Variants in UBAC2 observed in about 807,000 individuals in gnomAD.
UBAC2 encodes UBA domain containing 2.
In UBAC2, 26 loss-of-function variants were observed where a neutral mutation model predicts 44.0. The ratio of observed to expected loss-of-function variants is 0.59; its 90% CI spans 0.43 to 0.82. The LOEUF (loss-of-function observed/expected upper bound fraction) is 0.82. Ranked by LOEUF, UBAC2 falls within the 40% of genes least tolerant of loss-of-function variation. The pLI, the probability that UBAC2 is intolerant of heterozygous loss-of-function variation, is 0.00. For synonymous variants in UBAC2, 155 were observed against 154.3 expected (o/e 1.00, Z -0.04); for missense variants, 329 against 419.4 (o/e 0.78, Z 1.88).
intron 7 of UBAC2, among the ~76,000 whole-genome samples, chr13:99,359,984 G>C (rs769702853): frequency 6.6e-6 from 1 of 152,164 alleles, no homozygotes; most frequent in Non-Finnish European, 1.5e-5. Flanking sequence ...GAGAAGAAAG[G>C]GTGCATTTGT....
intron 4 of UBAC2, among the ~76,000 whole-genome samples, chr13:99,283,777 C>G (rs1464824911): frequency 8.5e-6 from 1 of 117,332 alleles, no homozygotes; most frequent in East Asian, 2.9e-4. Flanking sequence ...CTCTTTTACC[C>G]AGGCCAGAGT....
At chr13:99,301,053 A>G (rs1374447700) in intron 4 of UBAC2, among the ~76,000 whole-genome samples, 1 of 152,264 alleles carries the variant, frequency 6.6e-6, no homozygotes, top group Non-Finnish European at 1.5e-5. Context: ...GAAAAGCCCA[A>G]AGAAATGTTA....
At chr13:99,316,327 G>T (rs559270575) in intron 5 of UBAC2, among the ~76,000 whole-genome samples, 2 of 152,118 alleles carry the variant, frequency 1.3e-5, no homozygotes, top group South Asian at 4.2e-4. Context: ...TCCTCCACCT[G>T]CCTCCCTCCC....
Position 99,210,666 on chromosome 13 carries a change from G to A in UBAC2, c.31+9727G>A, listed in dbSNP as rs1333549564. Among the ~76,000 whole-genome samples the A allele has an allele frequency of 2.6e-5, 4 of 151,970 alleles. No homozygotes were observed. The East Asian group carries it at 7.7e-4, about 29-fold the overall frequency. ...CTAATTTTGTGTTTTTAGTAGAGAC[G>A]GGGTTTCTCCATTTTGGTCAGGCTG... On this transcript the variant is annotated intron_variant, in intron 1 of 8. Transcript: ENST00000403766.
intron 4 of UBAC2, chr13:99,255,786 A>T: frequency 1.2e-6 from 2 of 1,613,168 alleles, no homozygotes; most frequent in Non-Finnish European, 1.7e-6. Flanking sequence ...AGATACAGCT[A>T]TAGAAGACAA....
rs147403838 is a variant in UBAC2, at chr13:99,368,421, G to A, written c.927+515G>A. ...AGGAGGGAAAATGGATTTCAGTAAC[G>A]TTTGTACCGGATATACCCTCAGTCT... On this transcript the variant is annotated intron_variant, in intron 8 of 8. Transcript: ENST00000403766. Among the ~76,000 whole-genome samples, 352 of 152,248 alleles carry A rather than the reference G, an allele frequency of 2.3e-3. 3 individuals are homozygous for A. Among genetic ancestry groups the A allele is most frequent in the South Asian group, 8.9e-3 (43 of 4,828 alleles).
chr13:99,374,948 A>G (rs2045460786), intron 8 of UBAC2, among the ~76,000 whole-genome samples: 1 of 152,240 alleles, frequency 6.6e-6, no homozygotes, highest in African/African-American at 2.4e-5. Flanking sequence ...TCTTGTTTTC[A>G]CATAAAAAAT....
intron 6 of UBAC2, among the ~76,000 whole-genome samples, chr13:99,324,977 T>G (rs1350571314): frequency 1.3e-5 from 2 of 152,164 alleles, no homozygotes; most frequent in Non-Finnish European, 2.9e-5. Context: ...ATAACACATT[T>G]CTCAGAATGT....
rs942295778 is a variant in UBAC2, at chr13:99,201,020, A to G, written c.31+81A>G. ...CTTTGAGGAGGCTGGGGCAGCGGGG[A>G]CCCTCGGGTTTGCCGGAGGTGGTGG... On this transcript the variant is annotated intron_variant, in intron 1 of 8. Transcript: ENST00000403766. 1.4e-5 allele frequency: 18 copies of G among 1,294,212 alleles called. No individual in the cohort carries two copies. In the African/African-American group the frequency reaches 2.7e-4, roughly 20 times the overall value. 80.2% of individuals were successfully genotyped at this position (1,294,212 alleles called of 1,614,324 possible).
chr13:99,272,222 T>A (rs995221641), intron 4 of UBAC2, among the ~76,000 whole-genome samples: 1 of 152,194 alleles, frequency 6.6e-6, no homozygotes, highest in African/African-American at 2.4e-5. Context: ...TGTGGGCCAC[T>A]AAAGCAGCCC....
At chr13:99,273,863 C>CT (rs199875385) in intron 4 of UBAC2, among the ~76,000 whole-genome samples, 3,341 of 137,860 alleles carry the variant, frequency 0.024, 65 homozygotes, top group East Asian at 0.077. Context: ...CAGTTTTCAT[C>CT]TTTTTTTTTT....
chr13:99,252,629 T>C (rs1444675961), intron 4 of UBAC2, among the ~76,000 whole-genome samples: 2 of 152,132 alleles, frequency 1.3e-5, no homozygotes, highest in African/African-American at 2.4e-5. Context: ...CATCTGGCCT[T>C]ATATACCTAT....
At chr13:99,238,664 A>T (rs2043267398) in intron 2 of UBAC2, 110 bp downstream of exon 2, 1 of 981,704 alleles carries the variant, frequency 1.0e-6, no homozygotes. Context: ...CCAATTTGTA[A>T]GAAATATTTA....
chr13:99,385,555 A>T lies in UBAC2; in HGVS notation c.*220A>T. On this transcript the variant is annotated 3_prime_UTR_variant, in exon 9 of 9. Coordinates refer to ENST00000403766, the MANE Select transcript of UBAC2 (RefSeq NM_001144072.2). ...CATGTATTTTCTATCTATATTTTTTATTGGGCATTTTCCCTAGGTTGGAGA... is the reference window on the plus strand; with the variant it reads ...CATGTATTTTCTATCTATATTTTTTTTTGGGCATTTTCCCTAGGTTGGAGA... 2.0e-6 allele frequency: 1 copy of T among 501,558 alleles called. No homozygotes were observed. Among genetic ancestry groups the T allele is most frequent in the South Asian group, 3.0e-5 (1 of 33,190 alleles). The allele number at this position is 501,558 out of a possible 1,614,324, so 31.1% of individuals were successfully genotyped here.
At chr13:99,381,578 G>A (rs1193174455) in intron 8 of UBAC2, among the ~76,000 whole-genome samples, 1 of 152,202 alleles carries the variant, frequency 6.6e-6, no homozygotes, top group Non-Finnish European at 1.5e-5. Flanking sequence ...AAGGAAGGCA[G>A]GCCAGCTCCC....
At chr13:99,339,034 T>A (rs1451347864) in intron 6 of UBAC2, among the ~76,000 whole-genome samples, 1 of 152,136 alleles carries the variant, frequency 6.6e-6, no homozygotes, top group Non-Finnish European at 1.5e-5. Flanking sequence ...TTTTATCTCC[T>A]CTAGTCCTGT....
chr13:99,295,945 G>A lies in UBAC2; in HGVS notation c.390-18152G>A. The A allele has an allele frequency of 6.2e-7, 1 of 1,613,976 alleles. No individual in the cohort carries two copies. The highest frequency in any genetic ancestry group is 8.5e-7 in the Non-Finnish European group (1 of 1,179,934). On this transcript the variant is annotated intron_variant, in intron 4 of 8. Coordinates refer to ENST00000403766, the MANE Select transcript of UBAC2 (RefSeq NM_001144072.2). The surrounding 1 kb of genome is among the most constrained non-coding windows in gnomAD (Gnocchi z 4.1). ...AAATCACCAAATTTGTTGAATAGAGGGTGGTAGAGTTGATTTTTTTCCTGT... is the reference window on the plus strand; with the variant it reads ...AAATCACCAAATTTGTTGAATAGAGAGTGGTAGAGTTGATTTTTTTCCTGT...
At position 99,295,602 on chromosome 13, in the gene UBAC2, T is replaced by C; in HGVS notation, c.390-18495T>C. On this transcript the variant is annotated intron_variant, in intron 4 of 8. Transcript: ENST00000403766. The surrounding 1 kb of genome is among the most constrained non-coding windows in gnomAD (Gnocchi z 4.1). ...GTTTCTTCAAAGTTTGGATACTCCA[T>C]GCATGTAATCCTTTCAGCCTCCTGC... 1 of 1,614,128 alleles carries C rather than the reference T, an allele frequency of 6.2e-7. No individual in the cohort carries two copies. Among genetic ancestry groups the C allele is most frequent in the African/African-American group, 1.3e-5 (1 of 75,040 alleles).
chr13:99,241,121 G>A (rs758780054), intron 2 of UBAC2, among the ~76,000 whole-genome samples: 2 of 151,774 alleles, frequency 1.3e-5, no homozygotes, highest in Non-Finnish European at 2.9e-5. Flanking sequence ...AAAATTAGAC[G>A]GGTGTGGTGG....
Sources: allele counts gnomAD v4.1 joint callset (sites outside exome capture counted in the v4.1 genomes callset), GRCh38; gene constraint gnomAD v4.1.1; non-coding constraint Gnocchi (gnomAD v3.1); transcripts MANE v1.5; gene names NCBI Gene and HGNC (gene_info 2026-07-23, HGNC 2026-07-21).